The following NME6 variants were observed in gnomAD, a reference collection of about 807,000 sequenced individuals.
The protein encoded by NME6 is NME/NM23 nucleoside diphosphate kinase 6, also known as nucleoside diphosphate kinase 6, mitochondrial.
NME6 carries 16 observed loss-of-function variants against 22.2 expected under a neutral mutation model. That is an observed-to-expected ratio of 0.72 (90% CI 0.49 to 1.09). The LOEUF (loss-of-function observed/expected upper bound fraction) is 1.09, where lower values mean the gene tolerates loss of function less well. Ranked by LOEUF, NME6 falls within the 50% of genes least tolerant of loss-of-function variation. NME6 has a pLI of 0.00. For missense variants in NME6, 229 were observed against 239.0 expected, an observed-to-expected ratio of 0.96 and a Z score of 0.28; for synonymous variants, 58 against 85.2, an observed-to-expected ratio of 0.68 and a Z score of 1.76.
chr3:48,295,610 C>T (rs139255901), intron 4 of NME6: 181 of 242,320 alleles, frequency 7.5e-4, no homozygotes, highest in African/African-American at 3.9e-3. Flanking sequence ...GGTTCAATCT[C>T]GGCTCACTGC....
chr3:48,298,513 C>A lies in NME6; in HGVS notation c.4G>T (p.Ala2Ser). The A allele has an allele frequency of 6.2e-7, 1 of 1,601,440 alleles. No individual in the cohort carries two copies. The highest frequency in any genetic ancestry group is 8.5e-7 in the Non-Finnish European group (1 of 1,174,364). The change falls in exon 2 of 6, where the codon GCC (alanine) becomes TCC (serine). Residue 2 changes from alanine (A) to serine (S), a missense_variant. Transcript: ENST00000442597. ...GCCTGAGGGCTTCGCAAGATTGAGGCCATCTCACTCCTGCCATTAGAGAGC... is the reference window on the plus strand; with the variant it reads ...GCCTGAGGGCTTCGCAAGATTGAGGACATCTCACTCCTGCCATTAGAGAGC... M[A>S]SILRSPQALQ...
At chr3:48,295,812 T>G in intron 4 of NME6, 1 of 426,150 alleles carries the variant, frequency 2.3e-6, no homozygotes, top group Non-Finnish European at 4.3e-6. Flanking sequence ...ACCTCCCAGG[T>G]TCAAGCGATT....
At chr3:48,294,937 G>A in intron 5 of NME6, 134 bp from the exon 6 acceptor site, 1 of 1,387,434 alleles carries the variant, frequency 7.2e-7, no homozygotes, top group Non-Finnish European at 9.9e-7. Flanking sequence ...AAGTCCACAG[G>A]CCACATCTGC....
At chr3:48,287,823 T>C (rs917019338), downstream of NME6, among the ~76,000 whole-genome samples, 2 of 152,102 alleles carry the variant, frequency 1.3e-5, no homozygotes, top group African/African-American at 2.4e-5. Context: ...CAGATGGAGA[T>C]AGGTGGCTCA....
chr3:48,288,030 G>C (rs2034258058), downstream of NME6, among the ~76,000 whole-genome samples: 1 of 152,106 alleles, frequency 6.6e-6, no homozygotes. Flanking sequence ...ACATAAGACA[G>C]GGATGTAGAA....
chr3:48,291,894 G>A (rs777227450), downstream of NME6: 4 of 152,436 alleles, frequency 2.6e-5, no homozygotes, highest in African/African-American at 9.7e-5. Context: ...AGCCTCCCAA[G>A]TAGCTGGGAC....
At chr3:48,290,323 C>G (rs1490575331), downstream of NME6, among the ~76,000 whole-genome samples, 13 of 151,882 alleles carry the variant, frequency 8.6e-5, no homozygotes, top group Non-Finnish European at 1.9e-4. Context: ...AAAGATGCAA[C>G]AAATTATTTC....
chr3:48,290,101 C>A (rs1460005916), downstream of NME6, among the ~76,000 whole-genome samples: 1 of 151,090 alleles, frequency 6.6e-6, no homozygotes, highest in Non-Finnish European at 1.5e-5. Flanking sequence ...CTCGCTGTCA[C>A]CCAGGCTGGA....
chr3:48,288,633 A>G (rs1489257617), downstream of NME6: 1 of 152,116 alleles, frequency 6.6e-6, no homozygotes, highest in Non-Finnish European at 1.5e-5. Context: ...ACAGTTAGTT[A>G]CAGGTTGAAT....
chr3:48,295,504 G>A, intron 4 of NME6: 1 of 432,444 alleles, frequency 2.3e-6, no homozygotes, highest in Non-Finnish European at 4.1e-6. Context: ...TCGGCTCAGT[G>A]ACAGCCCCAA....
At chr3:48,299,288 G>T (rs2035453322) in intron 1 of NME6, 2 of 279,400 alleles carry the variant, frequency 7.2e-6, no homozygotes, top group African/African-American at 2.2e-5. Flanking sequence ...CTAGCATGGT[G>T]TAAGAGCTCA....
intron 1 of NME6, among the ~76,000 whole-genome samples, chr3:48,299,652 C>T (rs2035493092): frequency 6.6e-6 from 1 of 152,058 alleles, no homozygotes; most frequent in South Asian, 2.1e-4. Context: ...CTTCCATTAA[C>T]ATAGGCAGGG....
downstream of NME6, chr3:48,291,146 T>C (rs1043821620): frequency 4.5e-5 from 14 of 309,866 alleles, no homozygotes; most frequent in East Asian, 8.4e-4. Context: ...TTGGCTCCAA[T>C]AGAAAAGTTG....
downstream of NME6, chr3:48,292,177 CT>C (rs2034558635): frequency 6.6e-6 from 1 of 152,264 alleles, no homozygotes; most frequent in African/African-American, 2.4e-5. Flanking sequence ...AGCACTTTGT[CT>C]TTTGGTGGAC....
chr3:48,299,205 G>C (rs1158361532), intron 1 of NME6: 3 of 480,190 alleles, frequency 6.2e-6, no homozygotes, highest in Non-Finnish European at 1.1e-5. Context: ...CTGACACAAA[G>C]GTGCTTGATC....
At chr3:48,290,515 C>G (rs886386057), downstream of NME6, among the ~76,000 whole-genome samples, 1 of 152,104 alleles carries the variant, frequency 6.6e-6, no homozygotes, top group South Asian at 2.1e-4. Flanking sequence ...ATGTATAATA[C>G]TCTACTAACT....
In NME6 at chr3:48,296,774, A is replaced by G. The variant is rs2106960726; in HGVS notation, c.146T>C (p.Leu49Pro). 1.2e-6 allele frequency: 2 copies of G among 1,613,876 alleles called. No homozygotes were observed. Among genetic ancestry groups the G allele is most frequent in the East Asian group, 4.5e-5 (2 of 44,878 alleles). Residue 49 changes from leucine to proline, a missense_variant, in exon 3 of 6, where the codon CTA becomes CCA. Leu to Pro is a moderately conservative substitution (Grantham distance 98). Transcript: ENST00000442597. ...CTGGCAATCTTCCTTTCTCCACAGT[A>G]GTTCTCTCATTCGTACAATCAGGAA... is the stretch of plus-strand genomic sequence containing the variant. ...NKFLIVRMRE[L>P]LWRKEDCQRF...
At chr3:48,300,738 G>A (rs1343500757) in intron 1 of NME6, 2 of 199,094 alleles carry the variant, frequency 1.0e-5, no homozygotes, top group African/African-American at 4.7e-5. Context: ...TAGACTTAAA[G>A]GTGACTCCAT....
chr3:48,290,108 T>C (rs1441276066), downstream of NME6, among the ~76,000 whole-genome samples: 1 of 151,644 alleles, frequency 6.6e-6, no homozygotes, highest in East Asian at 1.9e-4. Flanking sequence ...TCACCCAGGC[T>C]GGAGAGCAGT....
Sources: gnomAD v4.1 joint callset for allele counts (sites outside exome capture counted in the v4.1 genomes callset) on GRCh38, gnomAD v4.1.1 for gene constraint, MANE v1.5 for transcripts, NCBI Gene and HGNC (gene_info 2026-07-23, HGNC 2026-07-21) for gene names.